LRP1B: variants seen among roughly 807,000 people sequenced by gnomAD.
LRP1B encodes the protein LDL receptor related protein 1B, also known as low-density lipoprotein receptor-related protein 1B.
A neutral mutation model predicts 556.6 loss-of-function variants in LRP1B; 217 were observed. That is an observed-to-expected ratio of 0.39 (90% CI 0.35 to 0.44). The LOEUF (loss-of-function observed/expected upper bound fraction) is 0.44, where lower values mean the gene tolerates loss of function less well. Among genes scored for constraint, LRP1B ranks in the 20% least tolerant of loss-of-function variants. The pLI, the probability that LRP1B is intolerant of heterozygous loss-of-function variation, is 1.00. For synonymous variants in LRP1B, 2,047 were observed against 1,865.8 expected, an observed-to-expected ratio of 1.10 and a Z score of -2.50; for missense variants, 5,053 against 5,620.8, an observed-to-expected ratio of 0.90 and a Z score of 3.23.
chr2:142,066,071 A>T (rs999761870), intron 1 of LRP1B, among the ~76,000 whole-genome samples: 1 of 151,530 alleles, frequency 6.6e-6, no homozygotes, highest in Non-Finnish European at 1.5e-5. Flanking sequence ...AAGAATCACC[A>T]GTCCTATGCA....
intron 31 of LRP1B, among the ~76,000 whole-genome samples, chr2:140,831,128 T>C (rs1691699049): frequency 6.6e-6 from 1 of 152,006 alleles, no homozygotes; most frequent in Non-Finnish European, 1.5e-5. Context: ...ATGTCAACAC[T>C]ACCCAAAGCT....
intron 2 of LRP1B, among the ~76,000 whole-genome samples, chr2:141,542,836 C>A (rs895388537): frequency 2.6e-5 from 4 of 151,962 alleles, no homozygotes; most frequent in African/African-American, 7.2e-5. Flanking sequence ...GCTTTAATTT[C>A]TTTTAGTGCC....
intron 1 of LRP1B, among the ~76,000 whole-genome samples, chr2:141,835,284 G>A (rs187298609): frequency 1.1e-4 from 17 of 152,094 alleles, no homozygotes; most frequent in Admixed American, 3.3e-4. Context: ...ATACTTGTGT[G>A]AGAGTCAGCC....
chr2:140,841,941 T>C (rs1029769959), intron 29 of LRP1B, among the ~76,000 whole-genome samples: 4 of 152,190 alleles, frequency 2.6e-5, no homozygotes, highest in Non-Finnish European at 5.9e-5. Flanking sequence ...TTGATTTTGG[T>C]TTTACTTTAA....
At chr2:140,663,003 A>G (rs1014782434) in intron 41 of LRP1B, among the ~76,000 whole-genome samples, 1 of 152,160 alleles carries the variant, frequency 6.6e-6, no homozygotes, top group African/African-American at 2.4e-5. Flanking sequence ...ACAGTTAAGA[A>G]AGTGCACTAA....
intron 1 of LRP1B, among the ~76,000 whole-genome samples, chr2:141,908,043 ACTTT>A (rs1311234731): frequency 6.6e-6 from 1 of 152,092 alleles, no homozygotes; most frequent in African/African-American, 2.4e-5. Context: ...AATTTTAATC[ACTTT>A]CTATTATAAA....
At chr2:141,892,051 T>C (rs1699308749) in intron 1 of LRP1B, among the ~76,000 whole-genome samples, 1 of 152,032 alleles carries the variant, frequency 6.6e-6, no homozygotes, top group African/African-American at 2.4e-5. Flanking sequence ...GAAAGGTATG[T>C]GTTAAGCATA....
intron 41 of LRP1B, among the ~76,000 whole-genome samples, chr2:140,689,837 G>C (rs1449127059): frequency 6.6e-6 from 1 of 152,062 alleles, no homozygotes; most frequent in Non-Finnish European, 1.5e-5. Context: ...CTTTCACACG[G>C]ATATAACTCA....
chr2:140,902,533 AAC>A (rs1289095950), intron 23 of LRP1B, among the ~76,000 whole-genome samples: 2 of 152,174 alleles, frequency 1.3e-5, no homozygotes, highest in African/African-American at 4.8e-5. Context: ...TTAGAAGATG[AAC>A]ACAGCCAGAG....
intron 1 of LRP1B, among the ~76,000 whole-genome samples, chr2:141,866,391 A>G (rs1458938734): frequency 6.6e-6 from 1 of 152,246 alleles, no homozygotes; most frequent in African/African-American, 2.4e-5. Context: ...AAACATTTAA[A>G]AAGTAAAAAT....
chr2:141,857,061 A>G (rs1038790255), intron 1 of LRP1B, among the ~76,000 whole-genome samples: 1 of 152,142 alleles, frequency 6.6e-6, no homozygotes, highest in African/African-American at 2.4e-5. Context: ...TAGAAGCCAT[A>G]TATAAATCAC....
chr2:140,413,979 G>T (rs1685072534), intron 66 of LRP1B, among the ~76,000 whole-genome samples: 1 of 152,138 alleles, frequency 6.6e-6, no homozygotes. Flanking sequence ...ATGCATTGAT[G>T]CAATCAGCTC....
intron 2 of LRP1B, among the ~76,000 whole-genome samples, chr2:141,519,402 T>TATATATATA (rs1559118193): frequency 3.3e-5 from 1 of 29,876 alleles, no homozygotes. Flanking sequence ...TATATATATA[T>TATATATATA]GAAATGCAAT....
At chr2:141,699,341 C>A (rs1691851353) in intron 2 of LRP1B, among the ~76,000 whole-genome samples, 1 of 151,818 alleles carries the variant, frequency 6.6e-6, no homozygotes, top group African/African-American at 2.4e-5. Flanking sequence ...ATTTAGCATT[C>A]TCTGTGTTAC....
intron 1 of LRP1B, among the ~76,000 whole-genome samples, chr2:142,078,536 C>T (rs1705593904): frequency 6.6e-6 from 1 of 152,124 alleles, no homozygotes; most frequent in Admixed American, 6.6e-5. Flanking sequence ...CTATTTAATG[C>T]TATTGAATTA....
At chr2:140,332,408 A>T (rs915080845) in intron 79 of LRP1B, among the ~76,000 whole-genome samples, 1 of 152,092 alleles carries the variant, frequency 6.6e-6, no homozygotes, top group African/African-American at 2.4e-5. Flanking sequence ...TAATACATGG[A>T]AAGTGTCAGA....
intron 35 of LRP1B, among the ~76,000 whole-genome samples, chr2:140,766,844 T>TATATATATATATATATATATATATATA: frequency 1.8e-5 from 1 of 54,938 alleles, no homozygotes; most frequent in East Asian, 5.8e-4. Flanking sequence ...TATATATATA[T>TATATATATATATATATATATATATATA]TATATATATA....
chr2:142,031,197 T>A (rs181651157), intron 1 of LRP1B, among the ~76,000 whole-genome samples: 1 of 151,830 alleles, frequency 6.6e-6, no homozygotes, highest in African/African-American at 2.4e-5. Context: ...GTGTGTGTAA[T>A]GAGATAAATG....
At chr2:140,344,912 A>T (rs577631509) in intron 77 of LRP1B, among the ~76,000 whole-genome samples, 32 of 151,848 alleles carry the variant, frequency 2.1e-4, no homozygotes, top group African/African-American at 7.7e-4. Flanking sequence ...GAAAAAAAGA[A>T]ATGTTAAAAC....
Sources: gnomAD v4.1 joint callset for allele counts (sites outside exome capture counted in the v4.1 genomes callset) on GRCh38, gnomAD v4.1.1 for gene constraint, MANE v1.5 for transcripts, NCBI Gene and HGNC (gene_info 2026-07-23, HGNC 2026-07-21) for gene names.